The following AOX1 variants were observed in gnomAD, a reference collection of about 807,000 sequenced individuals.
AOX1 encodes aldehyde oxidase.
In AOX1, 153 loss-of-function variants were observed where a neutral mutation model predicts 169.5. The ratio of observed to expected loss-of-function variants is 0.90; its 90% CI spans 0.79 to 1.03. The LOEUF (loss-of-function observed/expected upper bound fraction) is 1.03, where lower values mean the gene tolerates loss of function less well. Ranked by LOEUF, AOX1 falls within the 50% of genes least tolerant of loss-of-function variation. AOX1 has a pLI of 0.00. For synonymous variants in AOX1, 562 were observed against 581.9 expected, an observed-to-expected ratio of 0.97 and a Z score of 0.49; for missense variants, 1,656 against 1,663.9, an observed-to-expected ratio of 1.00 and a Z score of 0.08.
chr2:200,595,855 C>A (rs1450501604), intron 3 of AOX1, among the ~76,000 whole-genome samples: 1 of 152,210 alleles, frequency 6.6e-6, no homozygotes, highest in East Asian at 1.9e-4. Context: ...CTGGTGCATT[C>A]TCCATACATC....
chr2:200,594,391 G>C (rs1188747243), intron 2 of AOX1, among the ~76,000 whole-genome samples: 1 of 152,192 alleles, frequency 6.6e-6, no homozygotes, highest in Non-Finnish European at 1.5e-5. Flanking sequence ...AGGGAGGTCT[G>C]TGAGGCATGT....
At position 200,630,471 on chromosome 2, in the gene AOX1, C is replaced by T. The variant is rs772332997; in HGVS notation, c.2221+3022C>T. Among the ~76,000 whole-genome samples, 116 of 149,376 alleles carry T rather than the reference C, an allele frequency of 7.8e-4. 1 individual carries two copies. The highest frequency in any genetic ancestry group is 3.4e-3 in the Middle Eastern group (1 of 294). On this transcript the variant is annotated intron_variant, in intron 20 of 34. Transcript: ENST00000374700. ...CCGGTAGGCGGAGATTGCAGTGAGACAAGATCAGGCCACTGTACTCCAGCC... is the reference window on the plus strand; with the variant it reads ...CCGGTAGGCGGAGATTGCAGTGAGATAAGATCAGGCCACTGTACTCCAGCC...
rs1345114559 is a variant in AOX1 at position 200,661,624 on chromosome 2, T to C, written c.3421T>C (p.Tyr1141His). Reference protein sequence around the residue: ...DESINLSAVGYFRGYESDMNW... With the variant: ...DESINLSAVGHFRGYESDMNW... The stretch of plus-strand genomic sequence containing the variant: ...AAGCATTAACCTTTCAGCTGTTGGA[T>C]ACTTCAGGTAAATACTCCCTCTGAT... Residue 1141 changes from tyrosine (Y) to histidine (H), a missense_variant, in exon 30 of 35, where the codon TAC becomes CAC. Transcript: ENST00000374700. 3.1e-6 allele frequency: 5 copies of C among 1,611,422 alleles called. No homozygotes were observed. The highest frequency in any genetic ancestry group is 4.2e-6 in the Non-Finnish European group (5 of 1,177,792).
intron 19 of AOX1, 61 bp downstream of exon 19, chr2:200,624,044 G>A (rs1428234402): frequency 6.3e-7 from 1 of 1,599,990 alleles, no homozygotes; most frequent in Non-Finnish European, 8.6e-7. Flanking sequence ...CAGTTAAAAT[G>A]CTTTTGGCTA....
chr2:200,616,168 G>C, intron 16 of AOX1, 105 bp downstream of exon 16: 1 of 789,022 alleles, frequency 1.3e-6, no homozygotes, highest in Non-Finnish European at 2.1e-6. Flanking sequence ...GTAAGTCCAA[G>C]CTCCACTTCT....
Position 200,604,744 on chromosome 2 carries a change from A to T in AOX1, c.718A>T (p.Arg240Ter). 1.2e-6 allele frequency: 2 copies of T among 1,614,108 alleles called. No homozygotes were observed. The highest frequency in any genetic ancestry group is 1.6e-4 in the Middle Eastern group (1 of 6,062). Reference protein sequence around the residue: ...SQRTRVFGSERMMWFSPVTLK... With the variant: ...SQRTRVFGSE ...AAGGACCAGGGTGTTTGGCAGTGAG[A>T]GAATGATGTGGTTTTCCCCCGTGAC... The change falls in exon 9 of 35, where the codon AGA becomes TGA. Residue 240 changes from arginine to a stop codon, truncating the protein, a stop_gained. Coordinates refer to ENST00000374700, the MANE Select transcript of AOX1 (RefSeq NM_001159.4). LOFTEE classifies it high-confidence loss of function.
chr2:200,642,680 C>T lies in AOX1; in HGVS notation c.2726C>T (p.Ala909Val). ...KFPNLRCRGW[A>V]CRTNLPSNTA... The stretch of plus-strand genomic sequence containing the variant: ...CCCAATCTCCGCTGCCGGGGTTGGG[C>T]ATGCAGAACCAACCTTCCATCCAAC... Residue 909 changes from alanine to valine, a missense_variant, in exon 25 of 35, where the codon GCA becomes GTA. By Grantham distance (64) the Ala-to-Val change is moderately conservative. Coordinates refer to ENST00000374700, the MANE Select transcript of AOX1 (RefSeq NM_001159.4). The T allele has an allele frequency of 6.2e-7, 1 of 1,614,102 alleles. No homozygotes were observed. The highest frequency in any genetic ancestry group is 2.2e-5 in the East Asian group (1 of 44,856).
In AOX1 at chr2:200,660,012, T is replaced by C. The variant is rs774875490; in HGVS notation, c.3318T>C (p.Leu1106=). 1.9e-6 allele frequency: 3 copies of C among 1,613,752 alleles called. No homozygotes were observed. The highest frequency in any genetic ancestry group is 2.5e-6 in the Non-Finnish European group (3 of 1,179,784). The part of the protein sequence containing the change: ...GLAVKDACQT[L]LKRLEPIISK... ...ATCTCTAGGATGCCTGTCAAACTCT[T>C]CTAAAACGCCTCGAACCCATCATCA... Residue 1106 remains leucine, a synonymous_variant, in exon 29 of 35, where the codon CTT becomes CTC. Transcript: ENST00000374700.
At chr2:200,657,087 G>T in intron 27 of AOX1, 150 bp downstream of exon 27, 1 of 395,800 alleles carries the variant, frequency 2.5e-6, no homozygotes, top group Non-Finnish European at 4.3e-6. Context: ...ATTTTGGGAG[G>T]CTGGGGTGAG....
intron 16 of AOX1, among the ~76,000 whole-genome samples, 190 bp from the exon 17 acceptor site, chr2:200,620,460 T>C (rs1468671542): frequency 1.3e-5 from 2 of 152,006 alleles, no homozygotes; most frequent in East Asian, 3.9e-4. Flanking sequence ...CTGCCCACCT[T>C]AGCCTCCCAA....
chr2:200,594,684 T>G (rs1440729364), intron 2 of AOX1, among the ~76,000 whole-genome samples: 2 of 152,192 alleles, frequency 1.3e-5, no homozygotes, highest in South Asian at 2.1e-4. Flanking sequence ...TAGCCAGCAT[T>G]GTTAATGACC....
At chr2:200,616,098 T>C in intron 16 of AOX1, 35 bp downstream of exon 16, 6 of 1,484,516 alleles carry the variant, frequency 4.0e-6, no homozygotes, top group Non-Finnish European at 4.7e-6. Flanking sequence ...AAATTCACAA[T>C]CTGGGCTATA....
At chr2:200,664,430 A>G (rs376151153) in intron 31 of AOX1, among the ~76,000 whole-genome samples, 4 of 152,304 alleles carry the variant, frequency 2.6e-5, no homozygotes, top group African/African-American at 9.6e-5. Flanking sequence ...CTGCCCATAT[A>G]ACTGATTTCT....
intron 3 of AOX1, among the ~76,000 whole-genome samples, chr2:200,596,453 C>G (rs2034286616): frequency 6.6e-6 from 1 of 152,174 alleles, no homozygotes; most frequent in South Asian, 2.1e-4. Context: ...TGTTTAAGGA[C>G]CAGTATGCTT....
At chr2:200,641,033 C>A in intron 23 of AOX1, 65 bp from the exon 24 acceptor site, 2 of 1,222,220 alleles carry the variant, frequency 1.6e-6, no homozygotes, top group Non-Finnish European at 2.4e-6. Context: ...GGAGGGTTTG[C>A]AAATGACAAA....
At chr2:200,612,829 G>A in intron 14 of AOX1, 36 bp downstream of exon 14, 2 of 1,563,278 alleles carry the variant, frequency 1.3e-6, no homozygotes, top group Non-Finnish European at 1.7e-6. Context: ...TCTAATACTT[G>A]TCCTTAGACT....
At chr2:200,677,414 T>C (rs181150481), downstream of AOX1, among the ~76,000 whole-genome samples, 7 of 152,268 alleles carry the variant, frequency 4.6e-5, no homozygotes, top group Non-Finnish European at 8.8e-5. Context: ...AGGATCTTTC[T>C]TGCATCTCTC....
chr2:200,661,646 T>C lies in AOX1; in HGVS notation c.3428+15T>C. 1 of 1,590,510 alleles carries C rather than the reference T, an allele frequency of 6.3e-7. No homozygotes were observed. The highest frequency in any genetic ancestry group is 1.1e-5 in the South Asian group (1 of 90,698). ...GGATACTTCAGGTAAATACTCCCTC[T>C]GATCACATGCTATGGAGAAGAACAG... On this transcript the variant is annotated intron_variant, in intron 30 of 34. Coordinates refer to ENST00000374700, the MANE Select transcript of AOX1 (RefSeq NM_001159.4).
chr2:200,605,024 G>A (rs2034486531), intron 9 of AOX1, among the ~76,000 whole-genome samples, 184 bp downstream of exon 9: 1 of 152,208 alleles, frequency 6.6e-6, no homozygotes, highest in South Asian at 2.1e-4. Flanking sequence ...CTGTTATTAA[G>A]TAGATTCCTC....
Sources: allele counts gnomAD v4.1 joint callset (sites outside exome capture counted in the v4.1 genomes callset), GRCh38; gene constraint gnomAD v4.1.1; transcripts MANE v1.5; gene names NCBI Gene and HGNC (gene_info 2026-07-23, HGNC 2026-07-21).